The following CLIP2 variants were observed in gnomAD, a reference collection of about 807,000 sequenced individuals.
CLIP2 encodes CAP-Gly domain-containing linker protein 2.
CLIP2 carries 41 observed loss-of-function variants against 111.7 expected under a neutral mutation model. That is an observed-to-expected ratio of 0.37 (90% CI 0.29 to 0.48). The LOEUF is 0.48. Ranked by LOEUF, CLIP2 falls within the 20% of genes least tolerant of loss-of-function variation. CLIP2 has a pLI of 0.99. For missense variants in CLIP2, 1,160 were observed against 1,422.1 expected (o/e 0.82, Z 2.96); for synonymous variants, 660 against 644.2 (o/e 1.02, Z -0.37).
intron 13 of CLIP2, among the ~76,000 whole-genome samples, chr7:74,391,745 G>A (rs1289372597): frequency 1.3e-5 from 2 of 151,678 alleles, no homozygotes; most frequent in Non-Finnish European, 2.9e-5. Flanking sequence ...ACTTGAACCC[G>A]GGAGGCAGAG....
intron 1 of CLIP2, among the ~76,000 whole-genome samples, chr7:74,313,241 G>A (rs1315957319): frequency 2.0e-5 from 3 of 151,890 alleles, no homozygotes; most frequent in East Asian, 1.9e-4. Context: ...GGAGGTTGAG[G>A]CTGCAGTGAG....
chr7:74,325,344 TC>T (rs1789080108), intron 2 of CLIP2, among the ~76,000 whole-genome samples: 1 of 152,002 alleles, frequency 6.6e-6, no homozygotes, highest in African/African-American at 2.4e-5. Context: ...GGGGGCAAAG[TC>T]CTGGGTGGAG....
intron 8 of CLIP2, among the ~76,000 whole-genome samples, chr7:74,367,633 CAT>C (rs1790497493): frequency 6.6e-6 from 1 of 152,172 alleles, no homozygotes; most frequent in Admixed American, 6.5e-5. Context: ...GCTAAGGTCA[CAT>C]TCTGAGGTTC....
intron 3 of CLIP2, among the ~76,000 whole-genome samples, chr7:74,340,877 G>A (rs952811687): frequency 3.6e-4 from 55 of 152,222 alleles, no homozygotes; most frequent in African/African-American, 1.2e-3. Flanking sequence ...ATTCCAACCC[G>A]AGGTGGGGAG....
chr7:74,369,930 T>A (rs1196336630), intron 8 of CLIP2, among the ~76,000 whole-genome samples: 1 of 63,294 alleles, frequency 1.6e-5, no homozygotes, highest in Admixed American at 2.1e-4. Flanking sequence ...GAGGCCAAGG[T>A]GGGCGGATCA....
chr7:74,336,843 GGTT>G (rs1789476154), intron 2 of CLIP2, among the ~76,000 whole-genome samples: 1 of 85,980 alleles, frequency 1.2e-5, no homozygotes, highest in African/African-American at 3.0e-5. Context: ...TGATTACTAT[GGTT>G]GTTTGTTTTT....
At chr7:74,373,968 G>C (rs970119206) in intron 9 of CLIP2, among the ~76,000 whole-genome samples, 1 of 152,060 alleles carries the variant, frequency 6.6e-6, no homozygotes, top group Non-Finnish European at 1.5e-5. Context: ...TGTGGGTGAG[G>C]CTTCCAGACT....
intron 1 of CLIP2, among the ~76,000 whole-genome samples, chr7:74,309,721 G>A (rs1477921188): frequency 6.6e-6 from 1 of 151,676 alleles, no homozygotes; most frequent in Admixed American, 6.6e-5. Flanking sequence ...AGCCGGGCGT[G>A]GTGGCACACA....
chr7:74,345,769 C>T (rs1789781889), intron 3 of CLIP2, among the ~76,000 whole-genome samples: 1 of 151,714 alleles, frequency 6.6e-6, no homozygotes, highest in South Asian at 2.1e-4. Context: ...ATCGCTTGAA[C>T]CCGGGAGGCG....
chr7:74,392,826 ATAATAG>A (rs1791330577), intron 13 of CLIP2, among the ~76,000 whole-genome samples: 1 of 152,212 alleles, frequency 6.6e-6, no homozygotes, highest in Non-Finnish European at 1.5e-5. Context: ...CTCAAAAATA[ATAATAG>A]TAATAAACAC....
intron 11 of CLIP2, among the ~76,000 whole-genome samples, chr7:74,385,364 G>A (rs1791059074): frequency 6.6e-6 from 1 of 151,520 alleles, no homozygotes; most frequent in Non-Finnish European, 1.5e-5. Context: ...TACTCGGGAG[G>A]CTGAGGAAGG....
rs566304604 is a variant in CLIP2, at chr7:74,349,135, A to G, written c.679-4745A>G. 7.9e-5 allele frequency among the ~76,000 whole-genome samples: 12 copies of G among 151,884 alleles called. No individual in the cohort carries two copies. The South Asian group carries it at 1.7e-3, about 21-fold the overall frequency. ...TGCCATGGGATACTATTTGGCCACA[A>G]AACGAATGAAGTACTGGTCGGGCAT... is the stretch of plus-strand genomic sequence containing the variant. On this transcript the variant is annotated intron_variant, in intron 3 of 16. Transcript: ENST00000223398.
At chr7:74,343,828 AG>A (rs1335472599) in intron 3 of CLIP2, among the ~76,000 whole-genome samples, 1 of 151,444 alleles carries the variant, frequency 6.6e-6, no homozygotes, top group African/African-American at 2.4e-5. Flanking sequence ...ACTTGAGCTC[AG>A]GGGGTCAAGG....
chr7:74,382,319 T>C, intron 11 of CLIP2, among the ~76,000 whole-genome samples: 1 of 147,724 alleles, frequency 6.8e-6, no homozygotes, highest in East Asian at 2.0e-4. Context: ...TTTTTTTTTT[T>C]TTTAAGACAG....
chr7:74,360,396 T>C, intron 7 of CLIP2, 118 bp downstream of exon 7: 1 of 679,462 alleles, frequency 1.5e-6, no homozygotes, highest in East Asian at 2.9e-5. Context: ...TGCCTCTGGC[T>C]GTGTCACCCT....
At position 74,392,992 on chromosome 7, in the gene CLIP2, T is replaced by C. The variant is rs980604551; in HGVS notation, c.2720+3733T>C. On this transcript the variant is annotated intron_variant, in intron 13 of 16. Transcript: ENST00000223398. Reference sequence around the variant, plus strand: ...TGGGGAGGCCCCACTTTCCCTTCATTATTTTTCTTACTCCCAATTCCCCAG... The same window carrying C: ...TGGGGAGGCCCCACTTTCCCTTCATCATTTTTCTTACTCCCAATTCCCCAG... Among the ~76,000 whole-genome samples, 18 of 151,834 alleles carry C rather than the reference T, an allele frequency of 1.2e-4. No homozygotes were observed. In the East Asian group the frequency reaches 3.5e-3, roughly 29 times the overall value.
intron 14 of CLIP2, among the ~76,000 whole-genome samples, chr7:74,397,907 T>C (rs1791504921): frequency 6.6e-6 from 1 of 151,598 alleles, no homozygotes; most frequent in African/African-American, 2.4e-5. Flanking sequence ...GACCTTGTGA[T>C]CCTCCTGCCT....
chr7:74,296,828 C>T (rs1554726194), intron 1 of CLIP2, among the ~76,000 whole-genome samples: 1 of 151,342 alleles, frequency 6.6e-6, no homozygotes, highest in African/African-American at 2.4e-5. Flanking sequence ...AGAAACCAAC[C>T]CTGCTGATAC....
chr7:74,306,183 C>T (rs1279771693), intron 1 of CLIP2, among the ~76,000 whole-genome samples: 11 of 152,124 alleles, frequency 7.2e-5, no homozygotes, highest in African/African-American at 1.7e-4. Flanking sequence ...CTTGCTCCTC[C>T]GAGAGGTGCT....
Sources: gnomAD v4.1 joint callset for allele counts (sites outside exome capture counted in the v4.1 genomes callset) on GRCh38, gnomAD v4.1.1 for gene constraint, MANE v1.5 for transcripts, NCBI Gene and HGNC (gene_info 2026-07-23, HGNC 2026-07-21) for gene names.